CELF2: variants seen among roughly 807,000 people sequenced by gnomAD.
CELF2 encodes the protein CUGBP Elav-like family member 2.
A neutral mutation model predicts 62.6 loss-of-function variants in CELF2; 8 were observed. That is an observed-to-expected ratio of 0.13 (90% CI 0.07 to 0.23). The LOEUF (loss-of-function observed/expected upper bound fraction) is 0.23. CELF2 is among the 10% of genes least tolerant of loss of function. The pLI, the probability that CELF2 is intolerant of heterozygous loss-of-function variation, is 1.00. For synonymous variants in CELF2, 258 were observed against 250.0 expected (o/e 1.03, Z -0.30); for missense variants, 333 against 671.0 (o/e 0.50, Z 5.56).
chr10:10,913,882 G>GGAAGGAAGGAAA (rs1186065934), intron 1 of CELF2, among the ~76,000 whole-genome samples: 2 of 126,566 alleles, frequency 1.6e-5, no homozygotes, highest in Non-Finnish European at 3.3e-5. Context: ...AAGGAAGGAA[G>GGAAGGAAGGAAA]GAAGAAGGAA....
upstream of CELF2, among the ~76,000 whole-genome samples, chr10:11,003,148 G>T (rs1422206437): frequency 1.3e-5 from 2 of 152,126 alleles, no homozygotes; most frequent in Non-Finnish European, 2.9e-5. This position sits in a 1 kb window ranked among gnomAD's most constrained non-coding sequence, Gnocchi z 4.4. Context: ...GTTTAGACAG[G>T]TACTAAACTC....
intron 2 of CELF2, among the ~76,000 whole-genome samples, chr10:10,965,321 A>T (rs2050007786): frequency 6.6e-6 from 1 of 152,136 alleles, no homozygotes; most frequent in Non-Finnish European, 1.5e-5. Flanking sequence ...CTTAAAGACA[A>T]AATTCATTCT....
rs568553349 is a variant in CELF2, at chr10:10,823,911, C to T, written c.53+25094C>T. On this transcript the variant is annotated intron_variant, in intron 1 of 13. Coordinates refer to the CELF2 transcript ENST00000636488. ...TTATTTCAGATCGTGTGTGTGTGTA[C>T]GTGTGGATAGATGGGTAGATAGCTG... Among the ~76,000 whole-genome samples, 466 of 151,734 alleles carry T rather than the reference C, an allele frequency of 3.1e-3. 2 individuals are homozygous for T. Among genetic ancestry groups the T allele is most frequent in the African/African-American group, 0.011 (440 of 41,348 alleles).
chr10:11,215,111 C>T (rs2062968523), intron 2 of CELF2, among the ~76,000 whole-genome samples: 1 of 152,174 alleles, frequency 6.6e-6, no homozygotes, highest in East Asian at 1.9e-4. Context: ...TAACTAGCAA[C>T]AATTAAATGT....
At chr10:11,060,389 T>G (rs2066436461) in intron 1 of CELF2, among the ~76,000 whole-genome samples, 1 of 152,232 alleles carries the variant, frequency 6.6e-6, no homozygotes. Flanking sequence ...CCAGATTCTC[T>G]CATTAGAATG....
intron 1 of CELF2, among the ~76,000 whole-genome samples, chr10:11,125,132 T>C (rs1342266832): frequency 6.6e-6 from 1 of 152,174 alleles, no homozygotes; most frequent in East Asian, 1.9e-4. Flanking sequence ...ATTGACCCAG[T>C]CAGTGGTTAG....
At chr10:11,257,626 A>G in intron 4 of CELF2, 112 bp from the exon 5 acceptor site, 1 of 1,231,754 alleles carries the variant, frequency 8.1e-7, no homozygotes, top group Non-Finnish European at 1.1e-6. Context: ...TGGCCTTGGG[A>G]CACGTGCTTG....
At chr10:10,732,503 A>G in the CELF2 span, among the ~76,000 whole-genome samples, 2 of 144,952 alleles carry the variant, frequency 1.4e-5, no homozygotes, top group African/African-American at 2.6e-5. Context: ...GCCTACTCTT[A>G]CTTTGGACTC....
Position 11,321,500 on chromosome 10 carries a change from T to C in CELF2, c.1294+114T>C, listed in dbSNP as rs1257774273. 2.1e-5 allele frequency: 18 copies of C among 839,720 alleles called. No homozygotes were observed. The highest frequency in any genetic ancestry group is 7.2e-4 in the Middle Eastern group (2 of 2,794). The allele number at this position is 839,720 out of a possible 1,614,324, so 52.0% of individuals were successfully genotyped here. On this transcript the variant is annotated intron_variant, in intron 11 of 12. Transcript: ENST00000633077. This position sits in a 1 kb window ranked among gnomAD's most constrained non-coding sequence, Gnocchi z 6.2. ...GAACCCATGTCATAACAGAAAGCAG[T>C]TGTTTTGTTATTCATGTTTAAAAAA...
chr10:10,477,346 A>G, the CELF2 span, among the ~76,000 whole-genome samples: 1 of 152,182 alleles, frequency 6.6e-6, no homozygotes, highest in Non-Finnish European at 1.5e-5. Context: ...CCACTCCAAT[A>G]CTGGCGCTGC....
At chr10:10,799,037 G>A (rs1006753591) in intron 1 of CELF2, among the ~76,000 whole-genome samples, 22 of 152,142 alleles carry the variant, frequency 1.4e-4, no homozygotes, top group Non-Finnish European at 2.5e-4. Flanking sequence ...GGGGGAGGTC[G>A]GGAAGCCTTG....
chr10:10,891,683 C>A (rs1200571628), intron 1 of CELF2, among the ~76,000 whole-genome samples: 2 of 152,170 alleles, frequency 1.3e-5, no homozygotes, highest in African/African-American at 4.8e-5. Flanking sequence ...CTCGATGCGG[C>A]TGCTTCGCTG....
At chr10:10,582,987 A>AG in the CELF2 span, among the ~76,000 whole-genome samples, 1 of 152,232 alleles carries the variant, frequency 6.6e-6, no homozygotes, top group Non-Finnish European at 1.5e-5. Context: ...GAGTTGGACA[A>AG]GCTGGAATCT....
chr10:11,008,426 T>A lies in CELF2; in HGVS notation c.53+2986T>A, dbSNP rs1006575179. ...TGAAACCAGACAGTTTTGCTTTTTTTAAAATAGGAGGGTATACATTTGCAA... is the reference window on the plus strand; with the variant it reads ...TGAAACCAGACAGTTTTGCTTTTTTAAAAATAGGAGGGTATACATTTGCAA... On this transcript the variant is annotated intron_variant, in intron 1 of 12. Transcript: ENST00000416382. This position sits in a 1 kb window ranked among gnomAD's most constrained non-coding sequence, Gnocchi z 4.5. 1.3e-5 allele frequency among the ~76,000 whole-genome samples: 2 copies of A among 152,226 alleles called. No individual in the cohort carries two copies. Among genetic ancestry groups the A allele is most frequent in the African/African-American group, 2.4e-5 (1 of 41,450 alleles).
intron 2 of CELF2, among the ~76,000 whole-genome samples, chr10:11,213,834 A>C (rs1489198879): frequency 6.6e-6 from 1 of 152,256 alleles, no homozygotes; most frequent in Non-Finnish European, 1.5e-5. Flanking sequence ...TAAGTGAACC[A>C]TTATGAATGC....
upstream of CELF2, chr10:11,017,867 G>T: frequency 1.2e-6 from 1 of 843,160 alleles, no homozygotes; most frequent in Non-Finnish European, 1.4e-6. This position sits in a 1 kb window ranked among gnomAD's most constrained non-coding sequence, Gnocchi z 5.5. Context: ...CGCCCCGCGA[G>T]CTCCGCCCCC....
At chr10:11,143,959 G>A (rs1228989080) in intron 1 of CELF2, among the ~76,000 whole-genome samples, 1 of 152,150 alleles carries the variant, frequency 6.6e-6, no homozygotes, top group African/African-American at 2.4e-5. Context: ...TATATTCCCA[G>A]CACTGCTGTG....
In CELF2 at chr10:11,247,893, C is replaced by T. The variant is rs1400699258; in HGVS notation, c.355-1260C>T. ...TTGTCCTGCTTTTGAAGAGGCAGCTCACTTAGCCTCTTTCTTCTCCCTCCT... is the reference window on the plus strand; with the variant it reads ...TTGTCCTGCTTTTGAAGAGGCAGCTTACTTAGCCTCTTTCTTCTCCCTCCT... On this transcript the variant is annotated intron_variant, in intron 3 of 12. Transcript: ENST00000633077. The surrounding 1 kb of genome is among the most constrained non-coding windows in gnomAD (Gnocchi z 5.4). Among the ~76,000 whole-genome samples, 1 of 152,196 alleles carries T rather than the reference C, an allele frequency of 6.6e-6. No homozygotes were observed. The highest frequency in any genetic ancestry group is 2.4e-5 in the African/African-American group (1 of 41,432).
At chr10:11,282,828 C>T (rs915246988) in intron 8 of CELF2, among the ~76,000 whole-genome samples, 10 of 152,226 alleles carry the variant, frequency 6.6e-5, no homozygotes, top group Admixed American at 2.0e-4. Context: ...GCCTGCGCTG[C>T]CTTCGGGAGG....
Sources: gnomAD v4.1 joint callset for allele counts (sites outside exome capture counted in the v4.1 genomes callset) on GRCh38, gnomAD v4.1.1 for gene constraint, Gnocchi (gnomAD v3.1) non-coding constraint, MANE v1.5 for transcripts, NCBI Gene and HGNC (gene_info 2026-07-23, HGNC 2026-07-21) for gene names.